The following SLC24A3 variants were observed in gnomAD, a reference collection of about 807,000 sequenced individuals.
The protein encoded by SLC24A3 is sodium/potassium/calcium exchanger 3.
In SLC24A3, 28 loss-of-function variants were observed where a neutral mutation model predicts 75.8. That is an observed-to-expected ratio of 0.37 (90% CI 0.27 to 0.51). SLC24A3 has a LOEUF of 0.51. Ranked by LOEUF, SLC24A3 falls within the 20% of genes least tolerant of loss-of-function variation. The probability of loss-of-function intolerance (pLI) is 0.94; values close to 1 mark genes in which losing one functional copy is unlikely to be tolerated. For synonymous variants in SLC24A3, 372 were observed against 334.1 expected, an observed-to-expected ratio of 1.11 and a Z score of -1.24; for missense variants, 663 against 847.8, an observed-to-expected ratio of 0.78 and a Z score of 2.71.
At chr20:19,588,507 T>G (rs1568664840) in intron 6 of SLC24A3, among the ~76,000 whole-genome samples, 1 of 152,218 alleles carries the variant, frequency 6.6e-6, no homozygotes, top group African/African-American at 2.4e-5. Flanking sequence ...GTATTTGCAG[T>G]TTGCAAACAT....
At chr20:19,275,952 T>A (rs1983472937) in intron 1 of SLC24A3, among the ~76,000 whole-genome samples, 1 of 152,094 alleles carries the variant, frequency 6.6e-6, no homozygotes. Flanking sequence ...ACATGCAACT[T>A]CCAGGGCCTG....
At chr20:19,363,032 G>A (rs1464294722) in intron 2 of SLC24A3, among the ~76,000 whole-genome samples, 1 of 152,236 alleles carries the variant, frequency 6.6e-6, no homozygotes, top group African/African-American at 2.4e-5. Flanking sequence ...CTGCCAAAAC[G>A]TTGAAATCAC....
chr20:19,273,808 G>A (rs904443336), intron 1 of SLC24A3, among the ~76,000 whole-genome samples: 2 of 151,798 alleles, frequency 1.3e-5, no homozygotes, highest in South Asian at 4.2e-4. Flanking sequence ...AATGGGCAAG[G>A]GGATGCTGAG....
At chr20:19,469,754 G>T (rs1350839257) in intron 2 of SLC24A3, among the ~76,000 whole-genome samples, 1 of 152,170 alleles carries the variant, frequency 6.6e-6, no homozygotes. Flanking sequence ...CTGGGTCGGG[G>T]AAGAGTGGCC....
In SLC24A3 at chr20:19,642,235, C is replaced by G. The variant is rs368939702; in HGVS notation, c.613-11827C>G. On this transcript the variant is annotated intron_variant, in intron 6 of 16. Transcript: ENST00000328041. Reference sequence around the variant, plus strand: ...TATCATTCAGAGGGGTCTGTTCTTCCCTAGGAATGAGATAAGATTCTATAG... The same window carrying G: ...TATCATTCAGAGGGGTCTGTTCTTCGCTAGGAATGAGATAAGATTCTATAG... Among the ~76,000 whole-genome samples, 26 of 152,302 alleles carry G rather than the reference C, an allele frequency of 1.7e-4. No homozygotes were observed. The East Asian group carries it at 5.0e-3, about 29-fold the overall frequency.
intron 6 of SLC24A3, among the ~76,000 whole-genome samples, chr20:19,643,148 G>A (rs1455468410): frequency 6.6e-6 from 1 of 152,164 alleles, no homozygotes; most frequent in East Asian, 1.9e-4. Context: ...AGAGAAGACG[G>A]TGGCCGGCAT....
intron 3 of SLC24A3, among the ~76,000 whole-genome samples, chr20:19,523,298 C>A (rs1478831387): frequency 2.6e-5 from 4 of 152,152 alleles, no homozygotes; most frequent in Admixed American, 6.5e-5. Context: ...ACTTGCAGGG[C>A]AGACGTGTTT....
intron 2 of SLC24A3, among the ~76,000 whole-genome samples, chr20:19,322,940 C>T (rs1393368291): frequency 6.6e-6 from 1 of 152,132 alleles, no homozygotes; most frequent in African/African-American, 2.4e-5. Flanking sequence ...GGCGCGGTGG[C>T]TCACGCCTGT....
chr20:19,601,855 G>A (rs1473978844), intron 6 of SLC24A3, among the ~76,000 whole-genome samples: 2 of 152,166 alleles, frequency 1.3e-5, no homozygotes, highest in African/African-American at 2.4e-5. Flanking sequence ...ACAGTAATAG[G>A]AGTAGTAGTA....
chr20:19,658,141 C>G (rs3790280), intron 7 of SLC24A3, among the ~76,000 whole-genome samples: 1 of 151,962 alleles, frequency 6.6e-6, no homozygotes, highest in Non-Finnish European at 1.5e-5. Flanking sequence ...ACACGCCCAC[C>G]AAGGGGTTCT....
chr20:19,512,221 A>G (rs570132021), intron 2 of SLC24A3, among the ~76,000 whole-genome samples: 2 of 152,290 alleles, frequency 1.3e-5, no homozygotes, highest in East Asian at 1.9e-4. Context: ...AGATCAGGTC[A>G]CTGGTAAGCT....
At chr20:19,506,555 G>T (rs6112428) in intron 2 of SLC24A3, among the ~76,000 whole-genome samples, 2,767 of 152,274 alleles carry the variant, frequency 0.018, 74 homozygotes, top group African/African-American at 0.063. Context: ...ACTTGGACTG[G>T]TTACTTGCCC....
intron 2 of SLC24A3, among the ~76,000 whole-genome samples, chr20:19,427,713 A>G (rs1323077463): frequency 6.6e-6 from 1 of 152,160 alleles, no homozygotes; most frequent in African/African-American, 2.4e-5. Flanking sequence ...GCTGACCCAG[A>G]GAGGATAAAG....
intron 1 of SLC24A3, among the ~76,000 whole-genome samples, chr20:19,274,946 G>A (rs574035051): frequency 2.0e-5 from 3 of 152,290 alleles, no homozygotes; most frequent in African/African-American, 7.2e-5. Context: ...TAGTGCTGCC[G>A]CCCTTGGCTG....
At chr20:19,442,998 T>G (rs1187646296) in intron 2 of SLC24A3, among the ~76,000 whole-genome samples, 1 of 152,220 alleles carries the variant, frequency 6.6e-6, no homozygotes, top group Non-Finnish European at 1.5e-5. Context: ...ATCAATTGAC[T>G]ATGTTTGCAT....
chr20:19,363,908 T>A (rs1397611626), intron 2 of SLC24A3, among the ~76,000 whole-genome samples: 2 of 152,066 alleles, frequency 1.3e-5, no homozygotes, highest in Non-Finnish European at 2.9e-5. Context: ...TCTGAAGCAA[T>A]GAGGCTGAGT....
intron 1 of SLC24A3, among the ~76,000 whole-genome samples, chr20:19,256,469 G>C (rs745774106): frequency 2.6e-5 from 4 of 152,100 alleles, no homozygotes; most frequent in African/African-American, 7.2e-5. Flanking sequence ...CGTTACATGG[G>C]TGAATTTTTA....
chr20:19,558,092 C>G (rs2030818732), intron 3 of SLC24A3, among the ~76,000 whole-genome samples: 1 of 152,088 alleles, frequency 6.6e-6, no homozygotes, highest in African/African-American at 2.4e-5. Context: ...AGCTTCCCCT[C>G]TTTACTGTGT....
At chr20:19,402,374 T>A (rs1376136628) in intron 2 of SLC24A3, among the ~76,000 whole-genome samples, 1 of 152,176 alleles carries the variant, frequency 6.6e-6, no homozygotes. Context: ...GAACTATTAT[T>A]TAGCAGCCTA....
Sources: gnomAD v4.1 joint callset for allele counts (sites outside exome capture counted in the v4.1 genomes callset) on GRCh38, gnomAD v4.1.1 for gene constraint, MANE v1.5 for transcripts, NCBI Gene and HGNC (gene_info 2026-07-23, HGNC 2026-07-21) for gene names.